Variants in ARHGEF7 observed in about 807,000 individuals in gnomAD.
ARHGEF7 encodes Rho guanine nucleotide exchange factor 7, also known as PAK-interacting exchange factor beta.
In ARHGEF7, 33 loss-of-function variants were observed where a neutral mutation model predicts 109.8. That is an observed-to-expected ratio of 0.30 (90% CI 0.23 to 0.40). The LOEUF is 0.40. Among genes scored for constraint, ARHGEF7 ranks in the 10% least tolerant of loss-of-function variants. The probability of loss-of-function intolerance (pLI) is 1.00; values close to 1 mark genes in which losing one functional copy is unlikely to be tolerated. For missense variants in ARHGEF7, 938 were observed against 1,098.5 expected, an observed-to-expected ratio of 0.85 and a Z score of 2.07; for synonymous variants, 458 against 424.6, an observed-to-expected ratio of 1.08 and a Z score of -0.97.
Position 111,303,048 on chromosome 13 carries a change from G to C in ARHGEF7, c.2524G>C (p.Glu842Gln). ...EEEQRARKDLEKLVRKVLKNM... is the reference protein window; with the variant it reads ...EEEQRARKDLQKLVRKVLKNM... ...AGAACAGAGAGCCCGCAAAGACCTG[G>C]AGAAGCTGGTGAGGAAAGTCCTGAA... The change falls in exon 22 of 22, where the codon GAG becomes CAG. Residue 842 changes from glutamate (E) to glutamine (Q), a missense_variant. By Grantham distance (29) the Glu-to-Gln change is conservative. Coordinates refer to ENST00000646102, the MANE Select transcript of ARHGEF7 (RefSeq NM_001354046.2). 6.2e-7 allele frequency: 1 copy of C among 1,614,172 alleles called. No homozygotes were observed. The highest frequency in any genetic ancestry group is 8.5e-7 in the Non-Finnish European group (1 of 1,180,004).
In ARHGEF7 at chr13:111,285,196, G is replaced by A. The variant is rs797006908; in HGVS notation, c.1951-951G>A. On this transcript the variant is annotated intron_variant, in intron 16 of 21. Coordinates refer to ENST00000646102, the MANE Select transcript of ARHGEF7 (RefSeq NM_001354046.2). ...CACCTTCCGCCTTTTGGAGTCCCCA[G>A]GGTCTGTCATTTCCATGGTCATGTC... Among the ~76,000 whole-genome samples the A allele has an allele frequency of 7.9e-5, 12 of 152,214 alleles. 1 individual carries two copies. The East Asian group carries it at 1.2e-3, about 15-fold the overall frequency.
intron 2 of ARHGEF7, chr13:111,187,002 C>T (rs879515967): frequency 1.1e-4 from 104 of 985,614 alleles, no homozygotes; most frequent in African/African-American, 2.3e-4. Flanking sequence ...TCAGTACTGA[C>T]GGGGTTGATT....
chr13:111,160,334 GT>G (rs549048706), intron 2 of ARHGEF7, among the ~76,000 whole-genome samples: 248 of 143,674 alleles, frequency 1.7e-3, no homozygotes, highest in African/African-American at 3.1e-3. Flanking sequence ...AGTTATTGGG[GT>G]TTTTTTTTTT....
intron 2 of ARHGEF7, among the ~76,000 whole-genome samples, chr13:111,191,506 G>A (rs1486406272): frequency 6.6e-6 from 1 of 152,178 alleles, no homozygotes; most frequent in Admixed American, 6.5e-5. Flanking sequence ...TTAGAAGTTG[G>A]AAAGGGTCTT....
intron 2 of ARHGEF7, among the ~76,000 whole-genome samples, chr13:111,188,521 A>C (rs1348422424): frequency 6.6e-6 from 1 of 152,214 alleles, no homozygotes; most frequent in Non-Finnish European, 1.5e-5. Context: ...GATCCCCCAG[A>C]GGATCAGCAG....
intron 2 of ARHGEF7, among the ~76,000 whole-genome samples, chr13:111,156,158 T>C (rs886809599): frequency 4.6e-5 from 7 of 152,110 alleles, no homozygotes; most frequent in African/African-American, 1.4e-4. Flanking sequence ...TGCTGACATT[T>C]CATACAGTAA....
At chr13:111,123,590 AC>A (rs1195865623) in intron 1 of ARHGEF7, among the ~76,000 whole-genome samples, 1 of 152,206 alleles carries the variant, frequency 6.6e-6, no homozygotes, top group Non-Finnish European at 1.5e-5. Flanking sequence ...TGTTTAAAAT[AC>A]CCTCTATATC....
intron 5 of ARHGEF7, among the ~76,000 whole-genome samples, chr13:111,220,729 T>C (rs2083733083): frequency 6.6e-6 from 1 of 152,122 alleles, no homozygotes; most frequent in Admixed American, 6.6e-5. Flanking sequence ...AGGGCGTGTT[T>C]AGAAACATGG....
At chr13:111,270,391 A>G (rs2092040298) in intron 9 of ARHGEF7, among the ~76,000 whole-genome samples, 1 of 150,822 alleles carries the variant, frequency 6.6e-6, no homozygotes, top group Admixed American at 6.6e-5. Flanking sequence ...AGCTGTAACT[A>G]GCTGTTTTGT....
chr13:111,281,739 A>AT (rs2092789058), intron 15 of ARHGEF7, among the ~76,000 whole-genome samples: 2 of 152,092 alleles, frequency 1.3e-5, no homozygotes, highest in African/African-American at 4.8e-5. Flanking sequence ...ACTTCATACA[A>AT]TTTTATATCA....
chr13:111,210,760 ACTG>A (rs1157180744), intron 4 of ARHGEF7, among the ~76,000 whole-genome samples: 1 of 152,170 alleles, frequency 6.6e-6, no homozygotes, highest in East Asian at 1.9e-4. Flanking sequence ...TGGGGATACC[ACTG>A]CTTTCTCGCG....
chr13:111,261,992 A>G (rs542048394), intron 8 of ARHGEF7, among the ~76,000 whole-genome samples: 5 of 152,342 alleles, frequency 3.3e-5, no homozygotes, highest in Non-Finnish European at 7.3e-5. Flanking sequence ...TTGTAGCTGT[A>G]AGCAACTACA....
intron 1 of ARHGEF7, among the ~76,000 whole-genome samples, chr13:111,117,841 C>T (rs994858665): frequency 6.6e-5 from 10 of 152,182 alleles, no homozygotes; most frequent in Non-Finnish European, 1.0e-4. Flanking sequence ...GGATTACAGG[C>T]GTGAGCCACC....
At chr13:111,164,847 C>T (rs188407255) in intron 2 of ARHGEF7, among the ~76,000 whole-genome samples, 146 of 152,312 alleles carry the variant, frequency 9.6e-4, no homozygotes, top group African/African-American at 3.5e-3. Context: ...AAAGTACTTC[C>T]TCCTGATAGG....
intron 2 of ARHGEF7, among the ~76,000 whole-genome samples, chr13:111,162,714 A>G (rs1329079340): frequency 6.6e-6 from 1 of 152,150 alleles, no homozygotes; most frequent in Non-Finnish European, 1.5e-5. Context: ...CTTTTATTAT[A>G]CTGCTCTGCC....
At chr13:111,289,180 C>G (rs2093160502) in intron 18 of ARHGEF7, among the ~76,000 whole-genome samples, 1 of 152,088 alleles carries the variant, frequency 6.6e-6, no homozygotes, top group Non-Finnish European at 1.5e-5. Flanking sequence ...TACAGGTGCG[C>G]ACCACCACGC....
intron 4 of ARHGEF7, among the ~76,000 whole-genome samples, chr13:111,215,438 G>A (rs1386360906): frequency 6.6e-6 from 1 of 151,766 alleles, no homozygotes; most frequent in Non-Finnish European, 1.5e-5. Context: ...AGAGGGGCTG[G>A]TGCTGTTTTC....
chr13:111,200,328 CA>C (rs1028956218), intron 2 of ARHGEF7, among the ~76,000 whole-genome samples: 22 of 152,244 alleles, frequency 1.4e-4, no homozygotes, highest in African/African-American at 5.1e-4. Context: ...TGCCTTAACT[CA>C]TTTTTTTTTC....
At chr13:111,141,258 T>C (rs1446566510) in intron 1 of ARHGEF7, among the ~76,000 whole-genome samples, 1 of 152,196 alleles carries the variant, frequency 6.6e-6, no homozygotes, top group Non-Finnish European at 1.5e-5. Flanking sequence ...TATAATATCA[T>C]GCAGAGTAGT....
Sources: allele counts gnomAD v4.1 joint callset (sites outside exome capture counted in the v4.1 genomes callset), GRCh38; gene constraint gnomAD v4.1.1; transcripts MANE v1.5; gene names NCBI Gene and HGNC (gene_info 2026-07-23, HGNC 2026-07-21).